MOSPD2: variants seen among roughly 807,000 people sequenced by gnomAD.
MOSPD2 encodes the protein motile sperm domain containing 2, also known as motile sperm domain-containing protein 2.
Under a neutral mutation model 41.7 loss-of-function variants are expected in MOSPD2, and 5 were observed. That is an observed-to-expected ratio of 0.12 (90% confidence interval 0.06 to 0.25). The LOEUF (loss-of-function observed/expected upper bound fraction) is 0.25. Among genes scored for constraint, MOSPD2 ranks in the 10% least tolerant of loss-of-function variants. The pLI is 1.00. For missense variants in MOSPD2, 282 were observed against 375.2 expected (o/e 0.75, Z 2.05); for synonymous variants, 115 against 126.9 (o/e 0.91, Z 0.63).
In MOSPD2 at chrX:14,915,784, C is replaced by G. The variant is rs1383767665; in HGVS notation, c.1186+20C>G. The G allele has an allele frequency of 1.7e-6, 2 of 1,149,842 alleles. No homozygotes were observed. Among genetic ancestry groups the G allele is most frequent in the Non-Finnish European group, 2.4e-6 (2 of 843,221 alleles). 94.8% of individuals were successfully genotyped at this position (1,149,842 alleles called of 1,213,427 possible). A position where few individuals can be genotyped will look rare whatever the true frequency, so the allele number is the denominator to read the frequency against. Reference sequence around the variant, plus strand: ...ATGGGGGTGAGTTGTCACTTAGTAGCCACAGCAGGTGTTGGGTGTGGTGGG... The same window carrying G: ...ATGGGGGTGAGTTGTCACTTAGTAGGCACAGCAGGTGTTGGGTGTGGTGGG... On this transcript the variant is annotated intron_variant, in intron 12 of 14. Coordinates refer to ENST00000380492, the MANE Select transcript of MOSPD2 (RefSeq NM_152581.4).
In MOSPD2 at chrX:14,920,677, A is replaced by G. The variant is rs41305211; in HGVS notation, c.*868A>G. 0.03 allele frequency: 22,305 copies of G among 751,920 alleles called. 294 individuals are homozygous for G. Among genetic ancestry groups the G allele is most frequent in the Non-Finnish European group, 0.033 (21,172 of 638,870 alleles). 62.0% of individuals were successfully genotyped at this position (751,920 alleles called of 1,213,427 possible). A position where few individuals can be genotyped will look rare whatever the true frequency, so the allele number is the denominator to read the frequency against. ...CATCTTCACCCCCATTCCAGAGCAG[A>G]GGAGTCTCTGTGGACCATGAATTGC... On this transcript the variant is annotated 3_prime_UTR_variant, in exon 15 of 15. Transcript: ENST00000380492.
rs1286273085 is a variant in MOSPD2 at position 14,900,687 on chromosome X, A to G, written c.538+52A>G. The G allele has an allele frequency of 8.1e-6, 5 of 621,072 alleles. No homozygotes were observed. In the Admixed American group the frequency reaches 1.4e-4, roughly 18 times the overall value. 51.2% of individuals were successfully genotyped at this position (621,072 alleles called of 1,213,427 possible). ...ATATAACATATTGAAACTGTAGACA[A>G]TGTCTGAGAATTGTGGAGCCTTATG... On this transcript the variant is annotated intron_variant, in intron 6 of 14. Coordinates refer to ENST00000380492, the MANE Select transcript of MOSPD2 (RefSeq NM_152581.4).
In MOSPD2 at chrX:14,873,423, C is replaced by T. The variant is rs2092510932; in HGVS notation, c.-106C>T. 8.9e-6 allele frequency: 10 copies of T among 1,117,868 alleles called. No individual in the cohort carries two copies. The South Asian group carries it at 1.5e-4, about 17-fold the overall frequency. 92.1% of individuals were successfully genotyped at this position (1,117,868 alleles called of 1,213,427 possible). On this transcript the variant is annotated 5_prime_UTR_variant, in exon 1 of 15. Transcript: ENST00000380492. ...TCACGCGACCGCCTCCCCCTCCCAC[C>T]CTTCTCTGTCTACCTCTGGGCGGGA...
chrX:14,878,780 T>C (rs181161393), intron 2 of MOSPD2, among the ~76,000 whole-genome samples: 281 of 112,219 alleles, frequency 2.5e-3, no homozygotes, highest in Middle Eastern at 0.018. Flanking sequence ...ACATGCGCCA[T>C]GTTGGTGTGC....
intron 2 of MOSPD2, chrX:14,874,130 C>G (rs771669236): frequency 1.8e-5 from 4 of 227,562 alleles, no homozygotes; most frequent in Non-Finnish European, 3.2e-5. Context: ...TACCTGGAAA[C>G]TGCCATAATA....
chrX:14,914,657 T>G, intron 11 of MOSPD2, 58 bp downstream of exon 11: 1 of 681,945 alleles, frequency 1.5e-6, no homozygotes, highest in Non-Finnish European at 2.2e-6. Flanking sequence ...GGAAGTGATT[T>G]TAGACATATT....
intron 6 of MOSPD2, among the ~76,000 whole-genome samples, 176 bp from the exon 7 acceptor site, chrX:14,902,790 G>C (rs1323564454): frequency 8.9e-6 from 1 of 111,964 alleles, no homozygotes. Flanking sequence ...TGCTAGTTCA[G>C]TTCCAGCACC....
intron 8 of MOSPD2, 95 bp from the exon 9 acceptor site, chrX:14,911,142 G>T: frequency 1.3e-6 from 1 of 779,147 alleles, no homozygotes; most frequent in Non-Finnish European, 1.9e-6. Context: ...AATTAAGTCT[G>T]TTTTCTTGGC....
chrX:14,911,164 AT>A, intron 8 of MOSPD2, 72 bp from the exon 9 acceptor site: 1 of 921,734 alleles, frequency 1.1e-6, no homozygotes, highest in Non-Finnish European at 1.5e-6. Flanking sequence ...AAAGTAATGA[AT>A]TGTAAATCTA....
intron 11 of MOSPD2, among the ~76,000 whole-genome samples, 162 bp downstream of exon 11, chrX:14,914,761 C>T (rs1009898513): frequency 1.8e-5 from 2 of 111,508 alleles, no homozygotes; most frequent in African/African-American, 3.3e-5. Context: ...CTAACCAAGT[C>T]GCATAGCTTT....
intron 4 of MOSPD2, among the ~76,000 whole-genome samples, chrX:14,895,595 C>T (rs2092561671): frequency 9.0e-6 from 1 of 110,997 alleles, no homozygotes; most frequent in Non-Finnish European, 1.9e-5. Context: ...ATAAAGTAGG[C>T]AATAAAGGCA....
At chrX:14,919,286 T>C (rs1273439422) in intron 14 of MOSPD2, among the ~76,000 whole-genome samples, 2 of 112,118 alleles carry the variant, frequency 1.8e-5, no homozygotes, top group African/African-American at 6.5e-5. Flanking sequence ...TGGCCATTTT[T>C]AGCAAAGCAC....
chrX:14,890,664 G>A (rs942937676), intron 2 of MOSPD2, among the ~76,000 whole-genome samples: 3 of 111,232 alleles, frequency 2.7e-5, no homozygotes, highest in Non-Finnish European at 3.8e-5. Flanking sequence ...TTTTTCATCC[G>A]ATCCTCACAC....
chrX:14,913,212 TTTTG>T (rs1179987710), intron 10 of MOSPD2, among the ~76,000 whole-genome samples: 5 of 112,199 alleles, frequency 4.5e-5, no homozygotes, highest in African/African-American at 9.7e-5. Context: ...AGTTTATCTT[TTTTG>T]TTTGTTTACT....
At chrX:14,877,832 T>A (rs1399214784) in intron 2 of MOSPD2, among the ~76,000 whole-genome samples, 4 of 104,431 alleles carry the variant, frequency 3.8e-5, no homozygotes, top group African/African-American at 1.4e-4. Flanking sequence ...AAAAAAAAAA[T>A]TAGCTGGGCG....
chrX:14,893,542 AC>A (rs1336202932), intron 3 of MOSPD2, among the ~76,000 whole-genome samples: 1 of 111,928 alleles, frequency 8.9e-6, no homozygotes, highest in Non-Finnish European at 1.9e-5. Context: ...AGTTCTCTCC[AC>A]CAAAAAATTG....
chrX:14,900,429 T>G, intron 5 of MOSPD2, 146 bp from the exon 6 acceptor site: 4 of 299,424 alleles, frequency 1.3e-5, no homozygotes, highest in Non-Finnish European at 2.4e-5. Flanking sequence ...CCTTAATCCT[T>G]GAGAATATAG....
chrX:14,919,258 C>G (rs1340707837), intron 14 of MOSPD2, among the ~76,000 whole-genome samples: 1 of 111,872 alleles, frequency 8.9e-6, no homozygotes, highest in Non-Finnish European at 1.9e-5. Context: ...TGGAGATCTA[C>G]TAACCATTTG....
chrX:14,886,342 TG>T (rs2092541199), intron 2 of MOSPD2, among the ~76,000 whole-genome samples: 1 of 110,680 alleles, frequency 9.0e-6, no homozygotes, highest in Non-Finnish European at 1.9e-5. Flanking sequence ...AGAACAGTTT[TG>T]AAAGTTTAGC....
Sources: allele counts gnomAD v4.1 joint callset (sites outside exome capture counted in the v4.1 genomes callset), GRCh38; gene constraint gnomAD v4.1.1; transcripts MANE v1.5; gene names NCBI Gene and HGNC (gene_info 2026-07-23, HGNC 2026-07-21).